Variants in FRMD3 observed in about 807,000 individuals in gnomAD.
FRMD3 encodes FERM domain containing 3.
FRMD3 carries 33 observed loss-of-function variants against 70.2 expected under a neutral mutation model. That is an observed-to-expected ratio of 0.47 (90% CI 0.36 to 0.63). The LOEUF is 0.63. Ranked by LOEUF, FRMD3 falls within the 20% of genes least tolerant of loss-of-function variation. The pLI is 0.00. For synonymous variants in FRMD3, 279 were observed against 255.9 expected (o/e 1.09, Z -0.86); for missense variants, 632 against 711.4 (o/e 0.89, Z 1.27).
chr9:83,530,402 T>C (rs1829769621), intron 1 of FRMD3, among the ~76,000 whole-genome samples: 1 of 152,230 alleles, frequency 6.6e-6, no homozygotes, highest in African/African-American at 2.4e-5. Context: ...TCACATATTT[T>C]ATGATTCCAT....
intron 1 of FRMD3, among the ~76,000 whole-genome samples, chr9:83,521,895 A>G (rs1829579036): frequency 6.6e-6 from 1 of 152,200 alleles, no homozygotes; most frequent in South Asian, 2.1e-4. Context: ...TTCCCCATTT[A>G]TTAGCCAGAC....
intron 1 of FRMD3, among the ~76,000 whole-genome samples, chr9:83,453,838 C>T (rs1168415626): frequency 1.3e-5 from 2 of 151,526 alleles, no homozygotes; most frequent in Non-Finnish European, 2.9e-5. Context: ...GCCTCAGCCT[C>T]CCAAGTAGCT....
chr9:83,396,669 C>T (rs902820700), intron 1 of FRMD3, among the ~76,000 whole-genome samples: 3 of 152,208 alleles, frequency 2.0e-5, no homozygotes, highest in African/African-American at 7.2e-5. Context: ...GAGACTTGCC[C>T]TTCCCTCTGG....
At chr9:83,510,781 T>G (rs1307170543) in intron 1 of FRMD3, among the ~76,000 whole-genome samples, 6 of 152,174 alleles carry the variant, frequency 3.9e-5, no homozygotes, top group Non-Finnish European at 8.8e-5. Context: ...ACATACTGTA[T>G]CATTCCGTTT....
chr9:83,408,851 A>C (rs906985320), intron 1 of FRMD3, among the ~76,000 whole-genome samples: 1 of 152,168 alleles, frequency 6.6e-6, no homozygotes, highest in African/African-American at 2.4e-5. Flanking sequence ...TTAACCATTC[A>C]GGTGCAGGGA....
At chr9:83,416,491 C>A (rs1003533391) in intron 1 of FRMD3, among the ~76,000 whole-genome samples, 1 of 152,186 alleles carries the variant, frequency 6.6e-6, no homozygotes, top group African/African-American at 2.4e-5. Flanking sequence ...CCCACTAGAA[C>A]AAAGACTCAT....
At chr9:83,438,855 G>A (rs1378999199) in intron 1 of FRMD3, among the ~76,000 whole-genome samples, 1 of 152,200 alleles carries the variant, frequency 6.6e-6, no homozygotes, top group Admixed American at 6.5e-5. Flanking sequence ...GCCATGAGAA[G>A]TTGTTCCCAC....
chr9:83,577,641 A>G, the FRMD3 span, among the ~76,000 whole-genome samples: 2 of 152,034 alleles, frequency 1.3e-5, no homozygotes, highest in African/African-American at 2.4e-5. Flanking sequence ...ATCTTGGGTT[A>G]GACAAAGCCT....
chr9:83,488,112 T>C (rs1385935254), intron 1 of FRMD3, among the ~76,000 whole-genome samples: 2 of 152,190 alleles, frequency 1.3e-5, no homozygotes, highest in Non-Finnish European at 2.9e-5. Flanking sequence ...TCAACATATA[T>C]ACTCCTTTGG....
intron 1 of FRMD3, among the ~76,000 whole-genome samples, chr9:83,393,964 T>C (rs1825744716): frequency 6.8e-6 from 1 of 147,642 alleles, no homozygotes; most frequent in Non-Finnish European, 1.5e-5. Context: ...TTTTTACAAA[T>C]ATTGGTCCAA....
intron 13 of FRMD3, among the ~76,000 whole-genome samples, chr9:83,264,535 G>T (rs965337503): frequency 6.6e-6 from 1 of 152,134 alleles, no homozygotes; most frequent in South Asian, 2.1e-4. Context: ...TGTTGATGAT[G>T]GGGGAGGCTG....
intron 1 of FRMD3, among the ~76,000 whole-genome samples, chr9:83,500,523 C>CACACACAT (rs1309952725): frequency 7.3e-6 from 1 of 136,958 alleles, no homozygotes; most frequent in African/African-American, 2.5e-5. Context: ...CACACACACA[C>CACACACAT]ACACACACAC....
chr9:83,464,908 G>A (rs553375597), intron 1 of FRMD3, among the ~76,000 whole-genome samples: 337 of 151,916 alleles, frequency 2.2e-3, no homozygotes, highest in Non-Finnish European at 2.3e-3. Flanking sequence ...TAATCCCAGC[G>A]ACTCGGGAGG....
At chr9:83,317,043 A>AT (rs1001505777) in intron 6 of FRMD3, among the ~76,000 whole-genome samples, 19 of 151,686 alleles carry the variant, frequency 1.3e-4, no homozygotes, top group Admixed American at 2.0e-4. Flanking sequence ...TTCTAAAAAA[A>AT]TTTTTTTTTA....
At chr9:83,517,656 C>A (rs1829484897) in intron 1 of FRMD3, among the ~76,000 whole-genome samples, 1 of 152,090 alleles carries the variant, frequency 6.6e-6, no homozygotes, top group Non-Finnish European at 1.5e-5. Context: ...CCAGCATCAC[C>A]CTTACATTAA....
chr9:83,507,067 T>C (rs569696219), intron 1 of FRMD3, among the ~76,000 whole-genome samples: 2 of 152,242 alleles, frequency 1.3e-5, no homozygotes, highest in South Asian at 4.1e-4. Flanking sequence ...TCTCCTATGA[T>C]AACAATATAT....
At chr9:83,449,221 A>G (rs746973745) in intron 1 of FRMD3, among the ~76,000 whole-genome samples, 16 of 152,210 alleles carry the variant, frequency 1.1e-4, no homozygotes, top group Non-Finnish European at 1.8e-4. Flanking sequence ...CCAACAGCCC[A>G]TGGAGAAAGT....
intron 5 of FRMD3, among the ~76,000 whole-genome samples, chr9:83,337,804 A>C (rs931212583): frequency 3.3e-5 from 5 of 152,232 alleles, no homozygotes; most frequent in Non-Finnish European, 7.3e-5. Context: ...GACAAAATTC[A>C]AATTACAGAG....
chr9:83,262,228 A>G (rs1018938336), intron 13 of FRMD3, among the ~76,000 whole-genome samples: 1 of 152,226 alleles, frequency 6.6e-6, no homozygotes, highest in Non-Finnish European at 1.5e-5. Context: ...ATCCAAACCC[A>G]AATGCATCAT....
Sources: gnomAD v4.1 joint callset for allele counts (sites outside exome capture counted in the v4.1 genomes callset) on GRCh38, gnomAD v4.1.1 for gene constraint, MANE v1.5 for transcripts, NCBI Gene and HGNC (gene_info 2026-07-23, HGNC 2026-07-21) for gene names.